ZCCHC7: variants seen among roughly 807,000 people sequenced by gnomAD.
The protein encoded by ZCCHC7 is zinc finger CCHC-type containing 7.
Under a neutral mutation model 52.0 loss-of-function variants are expected in ZCCHC7, and 35 were observed. The ratio of observed to expected loss-of-function variants is 0.67; its 90% CI spans 0.51 to 0.89. ZCCHC7 has a LOEUF of 0.89. Among genes scored for constraint, ZCCHC7 ranks in the 40% least tolerant of loss-of-function variants. The probability of loss-of-function intolerance (pLI) is 0.00; values close to 1 mark genes in which losing one functional copy is unlikely to be tolerated. For missense variants in ZCCHC7, 574 were observed against 649.1 expected, an observed-to-expected ratio of 0.88 and a Z score of 1.26; for synonymous variants, 217 against 221.5, an observed-to-expected ratio of 0.98 and a Z score of 0.18.
At chr9:37,298,113 T>C (rs929055756) in intron 2 of ZCCHC7, among the ~76,000 whole-genome samples, 1 of 152,228 alleles carries the variant, frequency 6.6e-6, no homozygotes, top group African/African-American at 2.4e-5. Context: ...CAGGGTTGCT[T>C]TGAAGACTAA....
At chr9:37,165,301 A>G (rs1821357781) in intron 2 of ZCCHC7, among the ~76,000 whole-genome samples, 1 of 151,848 alleles carries the variant, frequency 6.6e-6, no homozygotes, top group African/African-American at 2.4e-5. Context: ...CTTCTTTCCA[A>G]TGCAGATGAC....
At chr9:37,246,958 T>A (rs778059030) in intron 2 of ZCCHC7, among the ~76,000 whole-genome samples, 1 of 152,198 alleles carries the variant, frequency 6.6e-6, no homozygotes, top group Non-Finnish European at 1.5e-5. Flanking sequence ...AAACCTACTC[T>A]CTTAGCAATT....
chr9:37,189,055 C>A (rs532788653), intron 2 of ZCCHC7, among the ~76,000 whole-genome samples: 80 of 137,102 alleles, frequency 5.8e-4, no homozygotes, highest in African/African-American at 2.1e-3. Flanking sequence ...TCTAGCCTGT[C>A]TAATGAGATT....
At chr9:37,190,977 G>A (rs549319372) in intron 2 of ZCCHC7, among the ~76,000 whole-genome samples, 17 of 151,052 alleles carry the variant, frequency 1.1e-4, no homozygotes, top group Admixed American at 7.2e-4. Flanking sequence ...AGCCGAGATC[G>A]CGCCATTGCA....
At chr9:37,213,522 A>G (rs1824348002) in intron 2 of ZCCHC7, among the ~76,000 whole-genome samples, 1 of 152,176 alleles carries the variant, frequency 6.6e-6, no homozygotes, top group African/African-American at 2.4e-5. Context: ...ACTTTTAACA[A>G]GGTGTCAAAT....
At chr9:37,150,387 T>A (rs540985533) in intron 2 of ZCCHC7, among the ~76,000 whole-genome samples, 34 of 152,214 alleles carry the variant, frequency 2.2e-4, no homozygotes, top group Non-Finnish European at 4.1e-4. Flanking sequence ...ACTTAAAGTG[T>A]TTGGATATAT....
intron 2 of ZCCHC7, among the ~76,000 whole-genome samples, chr9:37,284,731 T>C (rs1252991923): frequency 6.6e-6 from 1 of 152,192 alleles, no homozygotes; most frequent in Non-Finnish European, 1.5e-5. Flanking sequence ...GGATTAAACA[T>C]CCGTAATTCA....
chr9:37,274,412 C>T (rs1209532887), intron 2 of ZCCHC7, among the ~76,000 whole-genome samples: 2 of 145,282 alleles, frequency 1.4e-5, no homozygotes, highest in Non-Finnish European at 3.0e-5. Context: ...TGATCTTGGC[C>T]CACTGCAGCC....
chr9:37,204,568 T>C (rs981982649), intron 2 of ZCCHC7, among the ~76,000 whole-genome samples: 1 of 152,214 alleles, frequency 6.6e-6, no homozygotes, highest in African/African-American at 2.4e-5. Context: ...TAGGGAATCC[T>C]TTCCCCATTG....
At chr9:37,153,855 T>C (rs1266619926) in intron 2 of ZCCHC7, among the ~76,000 whole-genome samples, 1 of 152,158 alleles carries the variant, frequency 6.6e-6, no homozygotes, top group Non-Finnish European at 1.5e-5. Flanking sequence ...TGTCTTAATA[T>C]AGTTTGACTC....
intron 2 of ZCCHC7, among the ~76,000 whole-genome samples, chr9:37,270,405 A>G (rs986417097): frequency 6.6e-6 from 1 of 151,902 alleles, no homozygotes; most frequent in African/African-American, 2.4e-5. Context: ...AAGACCTCCT[A>G]GGAGGCTGGG....
At chr9:37,355,997 GTTATAAC>G (rs1462454690) in intron 8 of ZCCHC7, among the ~76,000 whole-genome samples, 3 of 98,418 alleles carry the variant, frequency 3.0e-5, no homozygotes, top group South Asian at 3.1e-4. Flanking sequence ...ATAATGAGCA[GTTATAAC>G]TTATAATTAG....
intron 6 of ZCCHC7, chr9:37,333,728 T>C (rs1421385608): frequency 6.6e-6 from 1 of 151,868 alleles, no homozygotes; most frequent in East Asian, 1.9e-4. Context: ...TATTAAATAC[T>C]GTGGTAATTA....
intron 5 of ZCCHC7, among the ~76,000 whole-genome samples, chr9:37,307,698 G>A (rs527864478): frequency 4.6e-4 from 70 of 152,006 alleles, no homozygotes; most frequent in Middle Eastern, 3.4e-3. Context: ...CAATAAATTA[G>A]TATGGCTTTC....
chr9:37,269,143 A>G (rs1328619788), intron 2 of ZCCHC7, among the ~76,000 whole-genome samples: 1 of 152,214 alleles, frequency 6.6e-6, no homozygotes, highest in Non-Finnish European at 1.5e-5. Flanking sequence ...GGCTTGAAAG[A>G]GTGTGAGAGA....
chr9:37,217,481 A>G (rs1694996438), intron 2 of ZCCHC7, among the ~76,000 whole-genome samples: 2 of 152,134 alleles, frequency 1.3e-5, no homozygotes, highest in Non-Finnish European at 2.9e-5. Flanking sequence ...AATAAAACCT[A>G]TAGTATTTTG....
At chr9:37,302,831 T>G (rs532222228) in intron 3 of ZCCHC7, among the ~76,000 whole-genome samples, 1 of 152,230 alleles carries the variant, frequency 6.6e-6, no homozygotes, top group South Asian at 2.1e-4. Flanking sequence ...GATCCTAGAT[T>G]TAGATTAGAA....
At chr9:37,151,109 C>T (rs537825784) in intron 2 of ZCCHC7, among the ~76,000 whole-genome samples, 5 of 151,896 alleles carry the variant, frequency 3.3e-5, no homozygotes, top group Admixed American at 6.5e-5. Flanking sequence ...GGACTACAGG[C>T]GCCTGCCACC....
At chr9:37,183,396 A>G (rs895912480) in intron 2 of ZCCHC7, among the ~76,000 whole-genome samples, 17 of 152,172 alleles carry the variant, frequency 1.1e-4, no homozygotes, top group Admixed American at 7.8e-4. Flanking sequence ...GTGCTTTATT[A>G]TTTGAAATGT....
Sources: allele counts gnomAD v4.1 joint callset (sites outside exome capture counted in the v4.1 genomes callset), GRCh38; gene constraint gnomAD v4.1.1; transcripts MANE v1.5; gene names NCBI Gene and HGNC (gene_info 2026-07-23, HGNC 2026-07-21).